TRAPPC9: variants seen among roughly 807,000 people sequenced by gnomAD.
TRAPPC9 encodes IKK2 binding protein.
In TRAPPC9, 83 loss-of-function variants were observed where a neutral mutation model predicts 124.0. That is an observed-to-expected ratio of 0.67 (90% CI 0.56 to 0.80). TRAPPC9 has a LOEUF of 0.80. Among genes scored for constraint, TRAPPC9 ranks in the 30% least tolerant of loss-of-function variants. The probability of loss-of-function intolerance (pLI) is 0.00; values close to 1 mark genes in which losing one functional copy is unlikely to be tolerated. For missense variants in TRAPPC9, 1,302 were observed against 1,508.3 expected, an observed-to-expected ratio of 0.86 and a Z score of 2.27; for synonymous variants, 638 against 617.5, an observed-to-expected ratio of 1.03 and a Z score of -0.49.
intron 8 of TRAPPC9, among the ~76,000 whole-genome samples, chr8:140,369,797 C>T (rs1050298401): frequency 2.0e-5 from 3 of 151,718 alleles, no homozygotes; most frequent in African/African-American, 7.3e-5. Context: ...ACTAAAAATA[C>T]AAAAATTAGC....
intron 21 of TRAPPC9, among the ~76,000 whole-genome samples, chr8:139,861,538 G>A (rs138732097): frequency 5.0e-4 from 76 of 152,326 alleles, no homozygotes; most frequent in Middle Eastern, 3.4e-3. Context: ...GCAAGGGGGC[G>A]AAGAGAACCA....
chr8:140,326,696 G>A (rs532260912), intron 9 of TRAPPC9, among the ~76,000 whole-genome samples: 192 of 152,064 alleles, frequency 1.3e-3, no homozygotes, highest in Middle Eastern at 6.8e-3. Context: ...AGCAACACGA[G>A]ACTTTGTCTC....
At chr8:140,031,690 T>C (rs1490366832) in intron 17 of TRAPPC9, among the ~76,000 whole-genome samples, 1 of 152,238 alleles carries the variant, frequency 6.6e-6, no homozygotes, top group Non-Finnish European at 1.5e-5. Flanking sequence ...TCCAGTTAAT[T>C]AGCACTTTCA....
intron 15 of TRAPPC9, 121 bp downstream of exon 15, chr8:140,275,537 T>C (rs974010965): frequency 8.8e-7 from 1 of 1,132,974 alleles, no homozygotes; most frequent in Non-Finnish European, 1.3e-6. Flanking sequence ...TGACTTCTAC[T>C]GACTTCAACT....
At chr8:140,125,634 A>G (rs1049160984) in intron 17 of TRAPPC9, among the ~76,000 whole-genome samples, 15 of 117,120 alleles carry the variant, frequency 1.3e-4, no homozygotes, top group Middle Eastern at 7.8e-3. Flanking sequence ...TCGCTCTGTC[A>G]CCCAGGCTGG....
intron 5 of TRAPPC9, among the ~76,000 whole-genome samples, chr8:140,419,390 C>G (rs2070090290): frequency 7.8e-6 from 1 of 128,552 alleles, no homozygotes; most frequent in Non-Finnish European, 1.6e-5. Flanking sequence ...GATCGCACCA[C>G]TGCACTCCAG....
intron 16 of TRAPPC9, among the ~76,000 whole-genome samples, chr8:140,233,098 TAG>T (rs2063639981): frequency 6.6e-6 from 1 of 152,216 alleles, no homozygotes; most frequent in Non-Finnish European, 1.5e-5. Flanking sequence ...AGTTTCAAGG[TAG>T]AGCATTGATT....
chr8:140,147,158 C>T (rs750671009), intron 17 of TRAPPC9, among the ~76,000 whole-genome samples: 11 of 152,206 alleles, frequency 7.2e-5, no homozygotes, highest in Non-Finnish European at 1.5e-4. Context: ...CTTTGTTGTT[C>T]CTGCCTTTTC....
chr8:140,442,282 C>T (rs2071044272), intron 2 of TRAPPC9, among the ~76,000 whole-genome samples: 1 of 151,888 alleles, frequency 6.6e-6, no homozygotes, highest in African/African-American at 2.4e-5. Context: ...ACAATAAAAC[C>T]ATACAAATAT....
upstream of TRAPPC9, chr8:140,457,841 G>A (rs958691325): frequency 6.7e-5 from 75 of 1,115,724 alleles, no homozygotes; most frequent in Middle Eastern, 4.0e-4. Context: ...GGAAGCAAGG[G>A]GGTAGGAGCG....
At chr8:140,061,802 C>T (rs1842636725) in intron 17 of TRAPPC9, among the ~76,000 whole-genome samples, 1 of 152,224 alleles carries the variant, frequency 6.6e-6, no homozygotes, top group South Asian at 2.1e-4. Context: ...TTGGAGACCT[C>T]TGATCCTGTC....
rs544688220 is a variant in TRAPPC9 at position 139,833,209 on chromosome 8, C to T, written c.3055+52670G>A. 3.3e-5 allele frequency among the ~76,000 whole-genome samples: 5 copies of T among 152,200 alleles called. 1 individual carries two copies. Among genetic ancestry groups the T allele is most frequent in the Admixed American group, 2.6e-4 (4 of 15,286 alleles). On this transcript the variant is annotated intron_variant, in intron 21 of 22. Coordinates refer to ENST00000438773, the MANE Select transcript of TRAPPC9 (RefSeq NM_001160372.4). ...ATTCCCTGATGAGAACCCAGTCTGA[C>T]AAAACACCCTGATTTTAGCCTTGTG...
chr8:140,017,533 G>A (rs1266252129), intron 18 of TRAPPC9, among the ~76,000 whole-genome samples: 1 of 152,136 alleles, frequency 6.6e-6, no homozygotes, highest in Non-Finnish European at 1.5e-5. Flanking sequence ...CAACTGATGA[G>A]ATACAATTGG....
intron 21 of TRAPPC9, among the ~76,000 whole-genome samples, chr8:139,798,355 G>T (rs747519244): frequency 1.5e-4 from 23 of 152,240 alleles, no homozygotes; most frequent in Non-Finnish European, 2.8e-4. Context: ...TACCAATCTT[G>T]CACGGCAATA....
rs140818331 is a variant in TRAPPC9, at chr8:139,966,849, G to A, written c.2810+21877C>T. ...TCGGTGCAACCTCAGCACCATTCCC[G>A]ACATACGGTTTAGCACAAACTGGGT... On this transcript the variant is annotated intron_variant, in intron 19 of 22. Coordinates refer to ENST00000438773, the MANE Select transcript of TRAPPC9 (RefSeq NM_001160372.4). Among the ~76,000 whole-genome samples, 387 of 152,236 alleles carry A rather than the reference G, an allele frequency of 2.5e-3. 3 individuals are homozygous for A. Among genetic ancestry groups the A allele is most frequent in the East Asian group, 0.017 (88 of 5,174 alleles).
At chr8:140,168,519 C>T (rs1054321552) in intron 17 of TRAPPC9, among the ~76,000 whole-genome samples, 6 of 152,196 alleles carry the variant, frequency 3.9e-5, no homozygotes, top group African/African-American at 1.2e-4. Context: ...TTTCACTTCC[C>T]TTCTCTCACT....
intron 17 of TRAPPC9, among the ~76,000 whole-genome samples, chr8:140,101,175 T>C (rs1463082188): frequency 1.3e-5 from 2 of 152,264 alleles, no homozygotes; most frequent in Non-Finnish European, 2.9e-5. Flanking sequence ...AGTCTCGCTC[T>C]GTCACCCAGG....
intron 19 of TRAPPC9, among the ~76,000 whole-genome samples, chr8:139,953,650 C>T (rs1244638327): frequency 6.6e-6 from 1 of 152,116 alleles, no homozygotes; most frequent in East Asian, 1.9e-4. Context: ...ACTTGCAAAT[C>T]ATAAATCTGA....
intron 9 of TRAPPC9, among the ~76,000 whole-genome samples, chr8:140,348,775 C>G (rs367960433): frequency 8.3e-4 from 126 of 152,190 alleles, no homozygotes; most frequent in Middle Eastern, 6.8e-3. Context: ...TGCCAAAAAG[C>G]TGAAGTGTAC....
Sources: allele counts gnomAD v4.1 joint callset (sites outside exome capture counted in the v4.1 genomes callset), GRCh38; gene constraint gnomAD v4.1.1; transcripts MANE v1.5; gene names NCBI Gene and HGNC (gene_info 2026-07-23, HGNC 2026-07-21).